CADM2: variants seen among roughly 807,000 people sequenced by gnomAD.
CADM2 encodes cell adhesion molecule 2.
CADM2 carries 12 observed loss-of-function variants against 49.8 expected under a neutral mutation model. That is an observed-to-expected ratio of 0.24 (90% confidence interval 0.15 to 0.39). CADM2 has a LOEUF of 0.39. Among genes scored for constraint, CADM2 ranks in the 10% least tolerant of loss-of-function variants. The pLI is 1.00. For missense variants in CADM2, 378 were observed against 492.3 expected (o/e 0.77, Z 2.20); for synonymous variants, 214 against 175.4 (o/e 1.22, Z -1.74).
intron 1 of CADM2, among the ~76,000 whole-genome samples, chr3:85,616,224 AC>A (rs1038629980): frequency 6.7e-5 from 10 of 150,234 alleles, no homozygotes; most frequent in Non-Finnish European, 1.5e-4. Flanking sequence ...AAAACTGTTT[AC>A]AAAAACAAGT....
chr3:85,213,420 C>T (rs2041848490), intron 1 of CADM2, among the ~76,000 whole-genome samples: 1 of 151,810 alleles, frequency 6.6e-6, no homozygotes, highest in African/African-American at 2.4e-5. Flanking sequence ...ATAAGATTTC[C>T]ATTGAGAAGT....
At chr3:85,494,939 T>C (rs1294463969) in intron 1 of CADM2, among the ~76,000 whole-genome samples, 1 of 152,184 alleles carries the variant, frequency 6.6e-6, no homozygotes, top group Non-Finnish European at 1.5e-5. Flanking sequence ...ACGTTAGACA[T>C]GATTTATGTT....
At chr3:85,230,999 GA>G (rs554941422) in intron 1 of CADM2, among the ~76,000 whole-genome samples, 84 of 145,008 alleles carry the variant, frequency 5.8e-4, no homozygotes, top group Admixed American at 8.9e-4. Flanking sequence ...TTTTTTTCTG[GA>G]AAAAAAAAAA....
At chr3:85,891,985 G>A (rs1714497069) in intron 5 of CADM2, among the ~76,000 whole-genome samples, 1 of 152,184 alleles carries the variant, frequency 6.6e-6, no homozygotes, top group Non-Finnish European at 1.5e-5. Flanking sequence ...GTGTTACACA[G>A]CAGTATTAGG....
chr3:85,924,418 A>G (rs1317178684), intron 6 of CADM2, among the ~76,000 whole-genome samples: 1 of 151,776 alleles, frequency 6.6e-6, no homozygotes, highest in East Asian at 1.9e-4. Flanking sequence ...GGAGGAAACC[A>G]CGTCTCTACA....
At chr3:85,261,225 C>A (rs1389312809) in intron 1 of CADM2, among the ~76,000 whole-genome samples, 2 of 152,070 alleles carry the variant, frequency 1.3e-5, no homozygotes, top group African/African-American at 4.8e-5. Context: ...CAACCTCTGC[C>A]GCCTGGGTTC....
chr3:85,687,013 G>A (rs940664793), intron 1 of CADM2, among the ~76,000 whole-genome samples: 8 of 152,086 alleles, frequency 5.3e-5, no homozygotes, highest in Admixed American at 4.6e-4. Context: ...GCTGTGTCAC[G>A]GGTGTGCATC....
intron 1 of CADM2, among the ~76,000 whole-genome samples, chr3:85,326,955 T>A (rs1471374532): frequency 6.6e-6 from 1 of 152,138 alleles, no homozygotes; most frequent in Non-Finnish European, 1.5e-5. Context: ...CAATTTTTTT[T>A]TTAAATAAAA....
chr3:85,469,957 T>C (rs567556417), intron 1 of CADM2, among the ~76,000 whole-genome samples: 1 of 152,004 alleles, frequency 6.6e-6, no homozygotes, highest in African/African-American at 2.4e-5. Context: ...GCCAGGAAAA[T>C]AGCGTTTTTG....
chr3:85,539,340 A>C (rs745571863), intron 1 of CADM2, among the ~76,000 whole-genome samples: 3 of 152,100 alleles, frequency 2.0e-5, no homozygotes, highest in Non-Finnish European at 4.4e-5. Context: ...AATTTAAAAA[A>C]TGACTTCATA....
chr3:85,703,276 T>C (rs1209035376), intron 1 of CADM2, among the ~76,000 whole-genome samples: 1 of 152,160 alleles, frequency 6.6e-6, no homozygotes, highest in East Asian at 1.9e-4. Flanking sequence ...GGATCAGCAC[T>C]CTGAACAGGG....
intron 1 of CADM2, among the ~76,000 whole-genome samples, chr3:85,588,840 C>G (rs1339713135): frequency 1.3e-5 from 2 of 151,988 alleles, no homozygotes; most frequent in Non-Finnish European, 2.9e-5. Flanking sequence ...ACAGTAGAAG[C>G]AAGGCAACAA....
chr3:85,443,373 A>T (rs192098311), intron 1 of CADM2, among the ~76,000 whole-genome samples: 1 of 152,142 alleles, frequency 6.6e-6, no homozygotes, highest in Non-Finnish European at 1.5e-5. Context: ...TCAATTCAGT[A>T]ATCTTTGGAA....
chr3:85,942,087 T>A (rs1055771879), intron 7 of CADM2, among the ~76,000 whole-genome samples: 1 of 152,096 alleles, frequency 6.6e-6, no homozygotes, highest in African/African-American at 2.4e-5. Flanking sequence ...TTAACAACAA[T>A]GATGATTGTA....
At chr3:85,505,435 C>T (rs1269321693) in intron 1 of CADM2, among the ~76,000 whole-genome samples, 4 of 152,124 alleles carry the variant, frequency 2.6e-5, no homozygotes, top group Non-Finnish European at 5.9e-5. Flanking sequence ...ATAAACTGAG[C>T]CCACATTTGA....
At chr3:85,766,618 C>T (rs956347025) in intron 2 of CADM2, among the ~76,000 whole-genome samples, 1 of 152,156 alleles carries the variant, frequency 6.6e-6, no homozygotes, top group African/African-American at 2.4e-5. Context: ...TTTGCTCTTG[C>T]AATTGCATAG....
intron 2 of CADM2, among the ~76,000 whole-genome samples, chr3:85,764,282 T>A (rs1050362430): frequency 6.6e-6 from 1 of 152,094 alleles, no homozygotes; most frequent in Admixed American, 6.6e-5. Flanking sequence ...TTTAATGATA[T>A]AGTTAAAAAT....
intron 1 of CADM2, among the ~76,000 whole-genome samples, chr3:85,695,414 A>G (rs1370795133): frequency 6.6e-6 from 1 of 152,022 alleles, no homozygotes; most frequent in Non-Finnish European, 1.5e-5. Context: ...TCTCACTTAT[A>G]AGTGAGAAAA....
chr3:84,982,702 C>CATATGTAT (rs1177661723), intron 1 of CADM2, among the ~76,000 whole-genome samples: 20 of 76,314 alleles, frequency 2.6e-4, no homozygotes, highest in Non-Finnish European at 4.5e-4. Context: ...AACTATAAAG[C>CATATGTAT]ATATATATAT....
Sources: gnomAD v4.1 joint callset for allele counts (sites outside exome capture counted in the v4.1 genomes callset) on GRCh38, gnomAD v4.1.1 for gene constraint, MANE v1.5 for transcripts, NCBI Gene and HGNC (gene_info 2026-07-23, HGNC 2026-07-21) for gene names.